The following NDUFAF6 variants were observed in gnomAD, a reference collection of about 807,000 sequenced individuals.
NDUFAF6 encodes the protein NADH dehydrogenase (ubiquinone) complex I, assembly factor 6.
A neutral mutation model predicts 40.8 loss-of-function variants in NDUFAF6; 45 were observed. The ratio of observed to expected loss-of-function variants is 1.10; its 90% confidence interval spans 0.87 to 1.42. The LOEUF (loss-of-function observed/expected upper bound fraction) is 1.42. Among genes scored for constraint, NDUFAF6 ranks in the 40% most tolerant of loss-of-function variants. The pLI is 0.00. For synonymous variants in NDUFAF6, 185 were observed against 155.9 expected, an observed-to-expected ratio of 1.19 and a Z score of -1.39; for missense variants, 435 against 418.5, an observed-to-expected ratio of 1.04 and a Z score of -0.34.
At chr8:94,989,175 G>T (rs559407048) in intron 2 of NDUFAF6, 1 of 152,218 alleles carries the variant, frequency 6.6e-6, no homozygotes, top group East Asian at 1.9e-4. Flanking sequence ...TCAAAAAAAA[G>T]AGAAAAAAAT....
chr8:94,990,804 G>A (rs1036105883), intron 2 of NDUFAF6, among the ~76,000 whole-genome samples: 21 of 152,188 alleles, frequency 1.4e-4, no homozygotes, highest in Non-Finnish European at 2.8e-4. Flanking sequence ...AAAGCTCTAG[G>A]ACACACAAGG....
At chr8:95,020,374 T>C (rs1335045682), upstream of NDUFAF6, among the ~76,000 whole-genome samples, 1 of 152,240 alleles carries the variant, frequency 6.6e-6, no homozygotes, top group Admixed American at 6.5e-5. Context: ...TTCAACTTTG[T>C]ATTTTCTTCA....
At chr8:95,000,755 A>G (rs2459968) in intron 2 of NDUFAF6, among the ~76,000 whole-genome samples, 151,027 of 152,064 alleles carry the variant, frequency 0.99, 75,006 homozygotes, top group East Asian at 1. Context: ...GGCCAACATC[A>G]TGAAACCCTG....
chr8:95,045,838 G>A (rs1395547756), intron 5 of NDUFAF6, among the ~76,000 whole-genome samples, 191 bp downstream of exon 5: 2 of 151,942 alleles, frequency 1.3e-5, no homozygotes, highest in African/African-American at 4.8e-5. Context: ...GTAATGCAGA[G>A]TAATCCAAGA....
downstream of NDUFAF6, among the ~76,000 whole-genome samples, chr8:95,061,849 G>A (rs1371622322): frequency 6.6e-6 from 1 of 152,122 alleles, no homozygotes; most frequent in Admixed American, 6.5e-5. Flanking sequence ...GTATTGTACA[G>A]TGATGTGAAG....
Position 95,101,178 on chromosome 8 carries a change from A to AT in NDUFAF6, n.186dup, listed in dbSNP as rs1716889655. 2.6e-5 allele frequency: 4 copies of AT among 152,160 alleles called. 1 individual carries two copies. The South Asian group carries it at 8.3e-4, about 32-fold the overall frequency. The allele number at this position is 152,160 out of a possible 1,614,324, so 9.4% of individuals were successfully genotyped here. ...ACACCCCTATCTGGTGACTTAGTCCATTTTCTTTTCATCTGATGATAACAT... is the reference window on the plus strand; with the variant it reads ...ACACCCCTATCTGGTGACTTAGTCCATTTTTCTTTTCATCTGATGATAACAT... On this transcript the variant is annotated non_coding_transcript_exon_variant, in exon 2 of 3. Transcript: ENST00000521063.
chr8:95,058,095 G>T lies in NDUFAF6; in HGVS notation c.*158G>T. On this transcript the variant is annotated 3_prime_UTR_variant, in exon 9 of 9. Coordinates refer to ENST00000396124, the MANE Select transcript of NDUFAF6 (RefSeq NM_152416.4). ...AAATTGAGAAGTTGCCGTGGGACTA[G>T]GGTGCCAAGACTGCTGAGATTCTGG... The T allele has an allele frequency of 1.4e-6, 2 of 1,458,868 alleles. No individual in the cohort carries two copies. 90.4% of individuals were successfully genotyped at this position (1,458,868 alleles called of 1,614,324 possible).
At chr8:95,098,035 C>T (rs572489116), upstream of NDUFAF6, among the ~76,000 whole-genome samples, 4 of 152,050 alleles carry the variant, frequency 2.6e-5, no homozygotes, top group Non-Finnish European at 5.9e-5. Flanking sequence ...TCTACAGCTC[C>T]TCATTTGTAA....
At chr8:95,041,229 TAAA>T (rs1830111294) in intron 3 of NDUFAF6, among the ~76,000 whole-genome samples, 1 of 152,058 alleles carries the variant, frequency 6.6e-6, no homozygotes, top group Non-Finnish European at 1.5e-5. Context: ...TTTAAAAAAA[TAAA>T]AAAGTCAGGG....
chr8:95,060,893 A>G (rs1023188340), downstream of NDUFAF6, among the ~76,000 whole-genome samples: 4 of 152,212 alleles, frequency 2.6e-5, no homozygotes, highest in Non-Finnish European at 5.9e-5. Flanking sequence ...TGAGAGAGAA[A>G]TAGACAATCG....
chr8:94,945,487 G>A (rs1821906924), exon 2 of NDUFAF6: 1 of 152,172 alleles, frequency 6.6e-6, no homozygotes, highest in Non-Finnish European at 1.5e-5. Context: ...GAACAGGACT[G>A]TTCTAGAAAA....
At chr8:94,957,969 C>G (rs1823225057), upstream of NDUFAF6, 1 of 152,382 alleles carries the variant, frequency 6.6e-6, no homozygotes, top group African/African-American at 2.4e-5. Context: ...ATCCAACAAA[C>G]CCTATGTCTC....
intron 9 of NDUFAF6, among the ~76,000 whole-genome samples, chr8:95,070,062 G>C (rs895618012): frequency 6.6e-6 from 1 of 151,538 alleles, no homozygotes; most frequent in Non-Finnish European, 1.5e-5. Context: ...GCTCAGGGCA[G>C]GCATTTTTAT....
At chr8:95,113,465 G>A (rs1425436825) in intron 4 of NDUFAF6, among the ~76,000 whole-genome samples, 1 of 152,132 alleles carries the variant, frequency 6.6e-6, no homozygotes, top group Non-Finnish European at 1.5e-5. Flanking sequence ...ACAGTGAGGT[G>A]CAGAGTACGC....
chr8:94,905,802 C>T (rs1818355582), intron 1 of NDUFAF6, among the ~76,000 whole-genome samples: 1 of 152,158 alleles, frequency 6.6e-6, no homozygotes, highest in South Asian at 2.1e-4. Flanking sequence ...TGGGATCCAC[C>T]ACCAGCTGGA....
chr8:94,912,534 C>T (rs546724787), intron 1 of NDUFAF6, among the ~76,000 whole-genome samples: 138 of 152,096 alleles, frequency 9.1e-4, no homozygotes, highest in Non-Finnish European at 1.5e-3. Flanking sequence ...CGGTGGCTCA[C>T]GCCTGTAATC....
At chr8:95,004,524 A>G (rs190492062) in intron 2 of NDUFAF6, among the ~76,000 whole-genome samples, 1,533 of 151,812 alleles carry the variant, frequency 0.01, 26 homozygotes, top group African/African-American at 0.035. Flanking sequence ...CTAATTTTTT[A>G]TATTTTGTAG....
intron 1 of NDUFAF6, among the ~76,000 whole-genome samples, chr8:94,975,068 G>T (rs1247233265): frequency 6.6e-6 from 1 of 152,218 alleles, no homozygotes; most frequent in Non-Finnish European, 1.5e-5. Flanking sequence ...ACTTGGAGGA[G>T]CCTGAACCAA....
At chr8:94,982,460 C>T (rs1296549135) in intron 2 of NDUFAF6, among the ~76,000 whole-genome samples, 2 of 152,168 alleles carry the variant, frequency 1.3e-5, no homozygotes, top group Admixed American at 1.3e-4. Flanking sequence ...CTTAATGATG[C>T]ATTTCTCAAA....
Sources: gnomAD v4.1 joint callset for allele counts (sites outside exome capture counted in the v4.1 genomes callset) on GRCh38, gnomAD v4.1.1 for gene constraint, MANE v1.5 for transcripts, NCBI Gene and HGNC (gene_info 2026-07-23, HGNC 2026-07-21) for gene names.